The following RMDN2 variants were observed in gnomAD, a reference collection of about 807,000 sequenced individuals.
The protein encoded by RMDN2 is regulator of microtubule dynamics protein 2.
In RMDN2, 61 loss-of-function variants were observed where a neutral mutation model predicts 52.8. That is an observed-to-expected ratio of 1.16 (90% CI 0.94 to 1.43). The LOEUF is 1.43. Ranked by LOEUF, RMDN2 falls within the 40% of genes most tolerant of loss-of-function variation. RMDN2 has a pLI of 0.00. For synonymous variants in RMDN2, 180 were observed against 153.1 expected, an observed-to-expected ratio of 1.18 and a Z score of -1.30; for missense variants, 592 against 475.3, an observed-to-expected ratio of 1.25 and a Z score of -2.28.
At chr2:37,926,458 A>C (rs1022490710) in intron 1 of RMDN2, among the ~76,000 whole-genome samples, 2 of 152,246 alleles carry the variant, frequency 1.3e-5, no homozygotes, top group African/African-American at 4.8e-5. Context: ...ACATTAATTA[A>C]GTGCCATAAT....
chr2:38,022,745 T>C (rs1679485490), intron 10 of RMDN2, among the ~76,000 whole-genome samples: 1 of 152,242 alleles, frequency 6.6e-6, no homozygotes, highest in South Asian at 2.1e-4. Context: ...CATTTGTGCC[T>C]AAAAGTTATC....
intron 2 of RMDN2, among the ~76,000 whole-genome samples, chr2:37,973,241 T>C (rs1397033600): frequency 6.6e-6 from 1 of 152,240 alleles, no homozygotes; most frequent in Non-Finnish European, 1.5e-5. Context: ...ATAAGTTGTT[T>C]GTATTGTTTG....
At chr2:37,945,642 G>A (rs955253412) in intron 2 of RMDN2, among the ~76,000 whole-genome samples, 3 of 152,148 alleles carry the variant, frequency 2.0e-5, no homozygotes, top group Admixed American at 6.5e-5. Context: ...TGACTACACA[G>A]GTATTACAGA....
chr2:38,040,642 C>T (rs1030618957), intron 10 of RMDN2, among the ~76,000 whole-genome samples: 1 of 152,164 alleles, frequency 6.6e-6, no homozygotes, highest in Admixed American at 6.5e-5. Context: ...CTAAGACAGT[C>T]CTGAAGTCAG....
chr2:37,989,429 C>T (rs2125128771), intron 5 of RMDN2, 112 bp from the exon 6 acceptor site: 1 of 699,656 alleles, frequency 1.4e-6, no homozygotes, highest in South Asian at 1.8e-5. Flanking sequence ...ATGAATACTC[C>T]TGTTAAATAT....
chr2:37,952,718 A>G (rs566738300), intron 2 of RMDN2: 2 of 155,362 alleles, frequency 1.3e-5, no homozygotes, highest in African/African-American at 4.8e-5. Context: ...TAATGTTTTT[A>G]TTAACACAAG....
intron 10 of RMDN2, among the ~76,000 whole-genome samples, chr2:38,054,636 C>T (rs1279139974): frequency 6.6e-6 from 1 of 152,194 alleles, no homozygotes; most frequent in Non-Finnish European, 1.5e-5. Context: ...CTTTGTTGCT[C>T]CAGGGTTCAA....
chr2:37,994,351 G>A (rs1375914799), intron 7 of RMDN2, among the ~76,000 whole-genome samples: 13 of 152,174 alleles, frequency 8.5e-5, no homozygotes, highest in Non-Finnish European at 1.9e-4. Context: ...CATGTAACAG[G>A]ACAAGCTAGA....
intron 1 of RMDN2, among the ~76,000 whole-genome samples, chr2:37,926,782 A>G (rs1487270267): frequency 2.0e-5 from 3 of 152,218 alleles, no homozygotes; most frequent in Non-Finnish European, 4.4e-5. Context: ...CAAGTAATGT[A>G]AAAATTAGCC....
At chr2:38,017,006 T>A (rs886825755) in intron 10 of RMDN2, among the ~76,000 whole-genome samples, 180 bp from the exon 11 acceptor site, 5 of 151,780 alleles carry the variant, frequency 3.3e-5, no homozygotes, top group Admixed American at 6.6e-5. Context: ...TTAAAAAAAA[T>A]AATAAAACAC....
chr2:38,008,443 C>G (rs543135361), intron 10 of RMDN2, among the ~76,000 whole-genome samples: 1 of 152,084 alleles, frequency 6.6e-6, no homozygotes, highest in African/African-American at 2.4e-5. Flanking sequence ...TTGAATTGAT[C>G]CCTTTACCAT....
chr2:38,020,836 C>T (rs954984385), downstream of RMDN2, among the ~76,000 whole-genome samples: 9 of 152,230 alleles, frequency 5.9e-5, no homozygotes, highest in South Asian at 2.1e-4. Flanking sequence ...CCCCCACGAG[C>T]GCCACCCCCT....
At chr2:38,039,054 A>G (rs1487035424) in intron 10 of RMDN2, among the ~76,000 whole-genome samples, 2 of 58,382 alleles carry the variant, frequency 3.4e-5, no homozygotes, top group East Asian at 0.014. Flanking sequence ...CTATACACAC[A>G]CACACACACA....
intron 2 of RMDN2, among the ~76,000 whole-genome samples, chr2:37,938,587 A>T (rs560266211): frequency 6.6e-6 from 1 of 152,202 alleles, no homozygotes; most frequent in Admixed American, 6.5e-5. Flanking sequence ...TTATTGGTCT[A>T]TTCGGGGATT....
At chr2:37,959,958 G>GAGA (rs2125008670) in intron 2 of RMDN2, among the ~76,000 whole-genome samples, 1,863 of 147,644 alleles carry the variant, frequency 0.013, 67 homozygotes, top group African/African-American at 0.048. Flanking sequence ...GTGCAGTTTT[G>GAGA]AGTGAGTTTC....
chr2:38,000,469 C>A (rs945079748), intron 8 of RMDN2, among the ~76,000 whole-genome samples: 8 of 152,208 alleles, frequency 5.3e-5, no homozygotes, highest in Non-Finnish European at 1.5e-5. Context: ...TTTCATCATC[C>A]TAGAGAGTTT....
chr2:37,978,069 G>A (rs996412237), intron 4 of RMDN2, among the ~76,000 whole-genome samples: 69 of 152,304 alleles, frequency 4.5e-4, no homozygotes, highest in Admixed American at 1.4e-3. Flanking sequence ...CTGCAATCCC[G>A]ACACCTCGGG....
chr2:38,050,169 A>G (rs944293614), intron 10 of RMDN2, among the ~76,000 whole-genome samples: 16 of 152,266 alleles, frequency 1.1e-4, no homozygotes, highest in African/African-American at 3.8e-4. Context: ...TTAAGCCTAC[A>G]TAAAATGAAC....
intron 2 of RMDN2, among the ~76,000 whole-genome samples, chr2:37,971,261 A>G (rs985312065): frequency 5.3e-5 from 8 of 152,124 alleles, no homozygotes; most frequent in East Asian, 1.9e-4. Context: ...TAATTTTTAT[A>G]TATGATAGGA....
Sources: gnomAD v4.1 joint callset for allele counts (sites outside exome capture counted in the v4.1 genomes callset) on GRCh38, gnomAD v4.1.1 for gene constraint, MANE v1.5 for transcripts, NCBI Gene and HGNC (gene_info 2026-07-23, HGNC 2026-07-21) for gene names.